TPD52: variants seen among roughly 807,000 people sequenced by gnomAD.
TPD52 encodes the protein tumor protein D52, also known as prostate and colon associated protein.
TPD52 carries 17 observed loss-of-function variants against 31.3 expected under a neutral mutation model. That is an observed-to-expected ratio of 0.54 (90% CI 0.37 to 0.82). The LOEUF (loss-of-function observed/expected upper bound fraction) is 0.82. Among genes scored for constraint, TPD52 ranks in the 40% least tolerant of loss-of-function variants. TPD52 has a pLI of 0.00. For synonymous variants in TPD52, 83 were observed against 89.6 expected, an observed-to-expected ratio of 0.93 and a Z score of 0.42; for missense variants, 212 against 240.1, an observed-to-expected ratio of 0.88 and a Z score of 0.77.
chr8:80,089,073 G>C (rs1295994612), intron 1 of TPD52, among the ~76,000 whole-genome samples: 1 of 152,170 alleles, frequency 6.6e-6, no homozygotes, highest in African/African-American at 2.4e-5. Flanking sequence ...TGGACTTTCA[G>C]CCTCCAGAAT....
intron 1 of TPD52, among the ~76,000 whole-genome samples, chr8:80,083,604 T>G (rs1040759023): frequency 1.3e-5 from 2 of 152,124 alleles, no homozygotes; most frequent in African/African-American, 4.8e-5. Flanking sequence ...CCCTGTGAAG[T>G]GGTGCCTTCT....
intron 1 of TPD52, among the ~76,000 whole-genome samples, chr8:80,105,329 C>A (rs372601048): frequency 6.6e-6 from 1 of 152,128 alleles, no homozygotes; most frequent in African/African-American, 2.4e-5. Flanking sequence ...AGTTAAAGAT[C>A]CACCCCTGAC....
intron 7 of TPD52, among the ~76,000 whole-genome samples, chr8:80,038,467 C>CCCCTTT (rs1424905179): frequency 6.6e-6 from 1 of 152,040 alleles, no homozygotes; most frequent in Non-Finnish European, 1.5e-5. Flanking sequence ...TCTACCCCTT[C>CCCCTTT]CCCTTTCCCC....
chr8:80,095,597 G>T (rs751545415), intron 1 of TPD52, among the ~76,000 whole-genome samples: 1 of 152,154 alleles, frequency 6.6e-6, no homozygotes. Flanking sequence ...AACTAGGGGC[G>T]TGAAGGAACT....
intron 5 of TPD52, among the ~76,000 whole-genome samples, chr8:80,048,586 A>AC (rs1811090034): frequency 6.6e-6 from 1 of 152,242 alleles, no homozygotes; most frequent in African/African-American, 2.4e-5. Flanking sequence ...TTCCTTGGGT[A>AC]GTTCTTGAGG....
At chr8:80,070,211 C>T (rs1341390165) in intron 1 of TPD52, among the ~76,000 whole-genome samples, 2 of 152,060 alleles carry the variant, frequency 1.3e-5, no homozygotes, top group East Asian at 1.9e-4. Flanking sequence ...CCCAACCCCC[C>T]TTTGGAGCAC....
chr8:80,168,892 C>A (rs1352497423), intron 1 of TPD52, among the ~76,000 whole-genome samples: 2 of 152,196 alleles, frequency 1.3e-5, no homozygotes, highest in Non-Finnish European at 2.9e-5. Flanking sequence ...ACACATATTT[C>A]TAAGCACCTA....
At chr8:80,056,067 T>C (rs938011010) in intron 2 of TPD52, among the ~76,000 whole-genome samples, 7 of 152,168 alleles carry the variant, frequency 4.6e-5, no homozygotes, top group African/African-American at 1.7e-4. Flanking sequence ...GAAATCAGTG[T>C]ATCAAAGGGT....
At chr8:80,167,556 C>T (rs1811798526) in intron 1 of TPD52, among the ~76,000 whole-genome samples, 1 of 152,178 alleles carries the variant, frequency 6.6e-6, no homozygotes, top group Non-Finnish European at 1.5e-5. Context: ...AAACTGTTGA[C>T]CAAATAAATT....
intron 1 of TPD52, among the ~76,000 whole-genome samples, chr8:80,087,044 T>C (rs921244654): frequency 3.9e-5 from 6 of 152,100 alleles, no homozygotes; most frequent in Non-Finnish European, 7.4e-5. Context: ...AATAAGAGTA[T>C]GCATGTGTAC....
intron 1 of TPD52, among the ~76,000 whole-genome samples, chr8:80,125,753 A>T (rs1248785746): frequency 6.6e-6 from 1 of 152,234 alleles, no homozygotes; most frequent in Non-Finnish European, 1.5e-5. Context: ...TTAAAATTTA[A>T]ATAGGAAATA....
intron 1 of TPD52, among the ~76,000 whole-genome samples, chr8:80,134,770 C>T (rs897930518): frequency 1.3e-5 from 2 of 152,220 alleles, no homozygotes; most frequent in Admixed American, 6.5e-5. Flanking sequence ...CTCCAAATGA[C>T]GACAGCCCCA....
At chr8:80,057,047 A>T (rs1428126066) in intron 2 of TPD52, among the ~76,000 whole-genome samples, 1 of 152,146 alleles carries the variant, frequency 6.6e-6, no homozygotes, top group African/African-American at 2.4e-5. Flanking sequence ...GTGTGCCTAT[A>T]ATCCCAGCTA....
At chr8:80,139,427 T>A (rs1027512695) in intron 1 of TPD52, among the ~76,000 whole-genome samples, 2 of 152,158 alleles carry the variant, frequency 1.3e-5, no homozygotes, top group Non-Finnish European at 2.9e-5. Flanking sequence ...AAAAAAATTT[T>A]TTCAGAGTTT....
chr8:80,144,973 A>C (rs1346016279), intron 1 of TPD52, among the ~76,000 whole-genome samples: 1 of 152,188 alleles, frequency 6.6e-6, no homozygotes, highest in African/African-American at 2.4e-5. Flanking sequence ...TAAGATTATA[A>C]TGAGTTACTC....
intron 5 of TPD52, among the ~76,000 whole-genome samples, chr8:80,046,684 A>G (rs1338451804): frequency 1.3e-5 from 2 of 152,186 alleles, no homozygotes; most frequent in Admixed American, 1.3e-4. Flanking sequence ...TGTAACCCCC[A>G]AATACATTAA....
intron 2 of TPD52, among the ~76,000 whole-genome samples, chr8:80,058,285 A>G (rs1812118598): frequency 6.6e-6 from 1 of 152,222 alleles, no homozygotes. Flanking sequence ...AAAAACTTAC[A>G]TGAAGGTATT....
At chr8:80,034,488 TCAA>T (rs1809781165), downstream of TPD52, among the ~76,000 whole-genome samples, 2 of 152,130 alleles carry the variant, frequency 1.3e-5, no homozygotes, top group Non-Finnish European at 2.9e-5. Flanking sequence ...GCCACCACCA[TCAA>T]CAAGTCTGGA....
intron 1 of TPD52, among the ~76,000 whole-genome samples, chr8:80,155,709 C>T (rs944880971): frequency 3.9e-5 from 6 of 151,940 alleles, no homozygotes; most frequent in Admixed American, 1.3e-4. Context: ...CATGGAGAAA[C>T]TCTGTCTCTA....
Sources: gnomAD v4.1 joint callset for allele counts (sites outside exome capture counted in the v4.1 genomes callset) on GRCh38, gnomAD v4.1.1 for gene constraint, MANE v1.5 for transcripts, NCBI Gene and HGNC (gene_info 2026-07-23, HGNC 2026-07-21) for gene names.